The following CDC27 variants were observed in gnomAD, a reference collection of about 807,000 sequenced individuals.
CDC27 encodes the protein cell division cycle protein 27 homolog.
CDC27 carries 27 observed loss-of-function variants against 109.7 expected under a neutral mutation model. That is an observed-to-expected ratio of 0.25 (90% confidence interval 0.18 to 0.34). The LOEUF is 0.34. Ranked by LOEUF, CDC27 falls within the 10% of genes least tolerant of loss-of-function variation. The pLI, the probability that CDC27 is intolerant of heterozygous loss-of-function variation, is 1.00. For missense variants in CDC27, 579 were observed against 960.2 expected (o/e 0.60, Z 5.25); for synonymous variants, 266 against 333.9 (o/e 0.80, Z 2.22).
chr17:47,181,681 CTT>C, intron 1 of CDC27, 44 bp from the exon 2 acceptor site: 1 of 1,096,734 alleles, frequency 9.1e-7, no homozygotes, highest in East Asian at 2.4e-5. Flanking sequence ...TACATACAGA[CTT>C]TCAAGGTAAC....
intron 4 of CDC27, among the ~76,000 whole-genome samples, chr17:47,165,760 C>T (rs1287857830): frequency 6.6e-6 from 1 of 151,968 alleles, no homozygotes; most frequent in Non-Finnish European, 1.5e-5. Flanking sequence ...AGATTTTTTT[C>T]TAAAAGTTTA....
chr17:47,133,012 T>TATATATATATAC (rs1337200921), intron 14 of CDC27, among the ~76,000 whole-genome samples: 132 of 43,760 alleles, frequency 3.0e-3, no homozygotes, highest in Non-Finnish European at 4.8e-3. Flanking sequence ...TATATATATA[T>TATATATATATAC]ATATATATAT....
chr17:47,150,143 C>T (rs141501349), intron 9 of CDC27, among the ~76,000 whole-genome samples: 12 of 152,154 alleles, frequency 7.9e-5, no homozygotes, highest in African/African-American at 2.7e-4. Flanking sequence ...CTGTGCTATA[C>T]ATGAAATTGT....
chr17:47,172,843 AAG>A (rs1318357540), intron 2 of CDC27, among the ~76,000 whole-genome samples: 1 of 152,204 alleles, frequency 6.6e-6, no homozygotes, highest in Non-Finnish European at 1.5e-5. Flanking sequence ...AGAGGATGGA[AAG>A]AGAGGGAAAA....
rs1187799850 is a variant in CDC27 at position 47,119,709 on chromosome 17, C to A, written c.*1226G>T. The A allele has an allele frequency of 6.6e-6, 1 of 152,170 alleles. No individual in the cohort carries two copies. The highest frequency in any genetic ancestry group is 1.5e-5 in the Non-Finnish European group (1 of 68,028). 9.4% of individuals were successfully genotyped at this position (152,170 alleles called of 1,614,324 possible). On this transcript the variant is annotated 3_prime_UTR_variant, in exon 19 of 19. Transcript: ENST00000066544. Reference sequence around the variant, plus strand: ...ATCATTTTATATGCATAATTGAATTCTTAAAATTGTGGCCATTTTCCAAAG... The same window carrying A: ...ATCATTTTATATGCATAATTGAATTATTAAAATTGTGGCCATTTTCCAAAG...
chr17:47,142,572 A>G (rs1329490190), intron 10 of CDC27, 136 bp from the exon 11 acceptor site: 1 of 502,638 alleles, frequency 2.0e-6, no homozygotes, highest in Admixed American at 3.6e-5. Context: ...GAGAGTTTAT[A>G]AAAACAAAGG....
At chr17:47,137,037 C>A in intron 14 of CDC27, 115 bp downstream of exon 14, 1 of 522,790 alleles carries the variant, frequency 1.9e-6, no homozygotes, top group Non-Finnish European at 3.3e-6. Flanking sequence ...CAGTATGTAC[C>A]ATCCCTAAGT....
At chr17:47,162,891 T>G (rs889721301) in intron 4 of CDC27, among the ~76,000 whole-genome samples, 2 of 152,200 alleles carry the variant, frequency 1.3e-5, no homozygotes, top group South Asian at 4.1e-4. Flanking sequence ...TGGATAGATA[T>G]ATGTATAAAT....
At chr17:47,179,766 G>A (rs939850177) in intron 2 of CDC27, among the ~76,000 whole-genome samples, 24 of 152,152 alleles carry the variant, frequency 1.6e-4, no homozygotes, top group African/African-American at 5.3e-4. Flanking sequence ...AACTTTCCAA[G>A]TGCCAAGCAT....
chr17:47,170,733 T>C (rs913107177), intron 3 of CDC27, among the ~76,000 whole-genome samples: 3 of 152,162 alleles, frequency 2.0e-5, no homozygotes, highest in Admixed American at 6.5e-5. Context: ...TTAACAAACA[T>C]GGTGGTCCTT....
chr17:47,150,557 A>G (rs1043567952), intron 9 of CDC27, among the ~76,000 whole-genome samples: 9 of 152,328 alleles, frequency 5.9e-5, no homozygotes, highest in Non-Finnish European at 1.0e-4. Context: ...AAGATTTTGG[A>G]AGGGGAACAA....
At chr17:47,153,535 A>G (rs1390343619) in intron 8 of CDC27, among the ~76,000 whole-genome samples, 1 of 152,228 alleles carries the variant, frequency 6.6e-6, no homozygotes, top group East Asian at 1.9e-4. Flanking sequence ...AAGGATGTTC[A>G]GGAGTAAAAT....
chr17:47,158,935 C>T lies in CDC27; in HGVS notation c.378-632G>A, dbSNP rs542556996. On this transcript the variant is annotated intron_variant, in intron 4 of 18. Transcript: ENST00000066544. ...GCACCTGGCCTTTTTGTATTTTCGT[C>T]GAGATGGGGTTTTGCCATATTGCCC... Among the ~76,000 whole-genome samples, 4 of 151,888 alleles carry T rather than the reference C, an allele frequency of 2.6e-5. No homozygotes were observed. In the South Asian group the frequency reaches 8.3e-4, roughly 32 times the overall value.
chr17:47,147,601 G>A (rs954071141), intron 9 of CDC27, among the ~76,000 whole-genome samples: 20 of 152,128 alleles, frequency 1.3e-4, no homozygotes, highest in African/African-American at 4.8e-4. Flanking sequence ...GACTGGATGA[G>A]GTGGCTCATG....
At chr17:47,178,993 G>A (rs1167238203) in intron 2 of CDC27, among the ~76,000 whole-genome samples, 1 of 151,992 alleles carries the variant, frequency 6.6e-6, no homozygotes, top group African/African-American at 2.4e-5. Flanking sequence ...GTAGAGATGG[G>A]GTTTCTCCAT....
chr17:47,177,769 A>G (rs2064069928), intron 2 of CDC27, among the ~76,000 whole-genome samples: 1 of 152,058 alleles, frequency 6.6e-6, no homozygotes, highest in Non-Finnish European at 1.5e-5. Context: ...ATAGAGTTCC[A>G]TAGGTAGCAA....
chr17:47,148,532 C>T (rs1328118437), intron 9 of CDC27, among the ~76,000 whole-genome samples: 1 of 151,948 alleles, frequency 6.6e-6, no homozygotes, highest in Non-Finnish European at 1.5e-5. Flanking sequence ...CCAATTTAGC[C>T]AACTATTATG....
intron 14 of CDC27, among the ~76,000 whole-genome samples, chr17:47,133,106 CATATATATAT>C (rs55717332): frequency 0.02 from 1,985 of 97,994 alleles, 75 homozygotes; most frequent in African/African-American, 0.076. Flanking sequence ...CACAAATATA[CATATATATAT>C]ATATATATAT....
Position 47,138,744 on chromosome 17 carries a change from G to A in CDC27, c.1699C>T (p.Pro567Ser). ...KDLTDMDKNS[P>S]EAWCAAGNCF... ...AAGTATTTTGGTTAACATACCTCTGGCGAATTTTTATCCATGTCTGTTAAG... is the reference window on the plus strand; with the variant it reads ...AAGTATTTTGGTTAACATACCTCTGACGAATTTTTATCCATGTCTGTTAAG... The change falls in exon 13 of 19, where the codon CCA becomes TCA. Residue 567 changes from proline to serine, a missense_variant. By Grantham distance (74) the Pro-to-Ser change is moderately conservative. Transcript: ENST00000066544. 6.2e-7 allele frequency: 1 copy of A among 1,609,754 alleles called. No individual in the cohort carries two copies. Among genetic ancestry groups the A allele is most frequent in the Admixed American group, 1.7e-5 (1 of 59,732 alleles).
Sources: allele counts gnomAD v4.1 joint callset (sites outside exome capture counted in the v4.1 genomes callset), GRCh38; gene constraint gnomAD v4.1.1; transcripts MANE v1.5; gene names NCBI Gene and HGNC (gene_info 2026-07-23, HGNC 2026-07-21).